The following CFAP54 variants were observed in gnomAD, a reference collection of about 807,000 sequenced individuals.
CFAP54 encodes cilia- and flagella-associated protein 54.
CFAP54 carries 290 observed loss-of-function variants against 370.4 expected under a neutral mutation model. That is an observed-to-expected ratio of 0.78 (90% CI 0.71 to 0.86). The LOEUF is 0.86. CFAP54 is among the 40% of genes least tolerant of loss of function. CFAP54 has a pLI of 0.00. For synonymous variants in CFAP54, 1,206 were observed against 1,236.5 expected, an observed-to-expected ratio of 0.98 and a Z score of 0.52; for missense variants, 3,399 against 3,528.7, an observed-to-expected ratio of 0.96 and a Z score of 0.93.
At position 96,786,840 on chromosome 12, in the gene CFAP54, T is replaced by C. The variant is rs1958634684; in HGVS notation, c.8621T>C (p.Leu2874Pro). 1.3e-6 allele frequency: 2 copies of C among 1,535,750 alleles called. No homozygotes were observed. Among genetic ancestry groups the C allele is most frequent in the African/African-American group, 1.4e-5 (1 of 73,168 alleles). Residue 2874 changes from leucine to proline, a missense_variant, in exon 62 of 68, where the codon CTT (leucine) becomes CCT (proline). Transcript: ENST00000524981. ...SCIDEFPKEL[L>P]CQLENPPLSE... ...ATTGATGAATTTCCAAAAGAACTTC[T>C]TTGTCAACTGGAAAATCCCCCTCTT...
intron 67 of CFAP54, 58 bp downstream of exon 67, chr12:96,861,010 G>A (rs555528137): frequency 7.7e-7 from 1 of 1,297,498 alleles, no homozygotes; most frequent in African/African-American, 1.5e-5. Flanking sequence ...TAAGTTTTTG[G>A]AACGGTCCTC....
intron 14 of CFAP54, among the ~76,000 whole-genome samples, chr12:96,547,286 A>T (rs1384558163): frequency 1.3e-5 from 2 of 152,148 alleles, no homozygotes; most frequent in Non-Finnish European, 1.5e-5. Flanking sequence ...CCCGGGTTCA[A>T]GCAATTCTCC....
chr12:96,537,504 G>A (rs1014446435), intron 12 of CFAP54, among the ~76,000 whole-genome samples: 2 of 152,052 alleles, frequency 1.3e-5, no homozygotes, highest in Non-Finnish European at 2.9e-5. Context: ...ACCATGCCCA[G>A]CTACTTTTTA....
chr12:96,623,487 T>C (rs1418219160), intron 27 of CFAP54, among the ~76,000 whole-genome samples: 1 of 152,156 alleles, frequency 6.6e-6, no homozygotes, highest in Non-Finnish European at 1.5e-5. Flanking sequence ...ATGCAGGTTT[T>C]GGAGGGGGCT....
chr12:96,778,968 C>G (rs1039966579), intron 60 of CFAP54, among the ~76,000 whole-genome samples: 1 of 151,846 alleles, frequency 6.6e-6, no homozygotes, highest in Non-Finnish European at 1.5e-5. Flanking sequence ...ATTAGCCAGG[C>G]GTGGGGGCAG....
intron 1 of CFAP54, among the ~76,000 whole-genome samples, 162 bp downstream of exon 1, chr12:96,490,088 C>G (rs911954046): frequency 2.0e-5 from 3 of 152,132 alleles, no homozygotes; most frequent in African/African-American, 7.2e-5. Flanking sequence ...GGAGACTCGT[C>G]GCTCTTAACA....
At chr12:96,860,020 AC>A (rs1195504598) in intron 66 of CFAP54, among the ~76,000 whole-genome samples, 3 of 152,130 alleles carry the variant, frequency 2.0e-5, no homozygotes, top group African/African-American at 7.2e-5. Context: ...GTTAACAAAA[AC>A]CAGCCTCCAA....
At chr12:96,577,887 C>G (rs1284674649) in intron 20 of CFAP54, among the ~76,000 whole-genome samples, 2 of 151,810 alleles carry the variant, frequency 1.3e-5, no homozygotes, top group African/African-American at 2.4e-5. Flanking sequence ...ATGGTAAAAC[C>G]CTGTCTTTAC....
chr12:96,591,680 G>A (rs1483409440), intron 23 of CFAP54, among the ~76,000 whole-genome samples: 2 of 152,028 alleles, frequency 1.3e-5, no homozygotes, highest in African/African-American at 2.4e-5. Flanking sequence ...ACGAGGTCAG[G>A]AGATCGAGAC....
chr12:96,527,979 A>G (rs1389624591), intron 9 of CFAP54, among the ~76,000 whole-genome samples: 1 of 152,202 alleles, frequency 6.6e-6, no homozygotes, highest in African/African-American at 2.4e-5. Flanking sequence ...ACAGTCATCT[A>G]TGAATGACTT....
rs1565977330 is a variant in CFAP54 at position 96,785,095 on chromosome 12, C to CTA, written c.8455+213_8455+214dup. ...AATGTAATTGGTTTCTTTAGAAATT[C>CTA]TATATATATTATTTCATATGTTTAA... On this transcript the variant is annotated intron_variant, in intron 61 of 67. Transcript: ENST00000524981. Among the ~76,000 whole-genome samples the CTA allele has an allele frequency of 3.3e-5, 5 of 152,158 alleles. No individual in the cohort carries two copies. The South Asian group carries it at 8.3e-4, about 25-fold the overall frequency.
rs887555666 is a variant in CFAP54, at chr12:96,846,481, A to G, written c.9172-14338A>G. ...GGTTGAAAAATTCTTTCCTGGGGAAAGAGAGCTGCTGTTCTTTCTACACAG... is the reference window on the plus strand; with the variant it reads ...GGTTGAAAAATTCTTTCCTGGGGAAGGAGAGCTGCTGTTCTTTCTACACAG... On this transcript the variant is annotated intron_variant, in intron 66 of 67. Coordinates refer to ENST00000524981, the MANE Select transcript of CFAP54 (RefSeq NM_001306084.2). Among the ~76,000 whole-genome samples, 14 of 152,172 alleles carry G rather than the reference A, an allele frequency of 9.2e-5. 1 individual carries two copies. Among genetic ancestry groups the G allele is most frequent in the Admixed American group, 7.9e-4 (12 of 15,274 alleles).
intron 40 of CFAP54, among the ~76,000 whole-genome samples, chr12:96,681,583 T>G (rs1390841258): frequency 6.6e-6 from 1 of 152,006 alleles, no homozygotes; most frequent in Non-Finnish European, 1.5e-5. Context: ...GCTTTTTTTT[T>G]TGGATGGAGT....
At chr12:96,578,720 A>G (rs972343201) in intron 20 of CFAP54, among the ~76,000 whole-genome samples, 3 of 152,194 alleles carry the variant, frequency 2.0e-5, no homozygotes, top group African/African-American at 7.2e-5. Context: ...TCTCATCAGC[A>G]CTAGATGGTG....
intron 39 of CFAP54, among the ~76,000 whole-genome samples, chr12:96,664,781 A>ATCTATATC (rs1565934511): frequency 0.051 from 1,285 of 25,382 alleles, 40 homozygotes; most frequent in Non-Finnish European, 0.065. Context: ...CTATATCTAT[A>ATCTATATC]TATATATATA....
intron 50 of CFAP54, among the ~76,000 whole-genome samples, chr12:96,733,542 G>GGT (rs374131337): frequency 7.2e-6 from 1 of 139,044 alleles, no homozygotes; most frequent in Non-Finnish European, 1.5e-5. Flanking sequence ...AATCCTGTGG[G>GGT]TTTTTTTTTT....
In CFAP54 at chr12:96,826,067, T is replaced by C. The variant is rs778090132; in HGVS notation, c.9097-2947T>C. Among the ~76,000 whole-genome samples the C allele has an allele frequency of 1.1e-3, 158 of 145,150 alleles. 1 individual carries two copies. Among genetic ancestry groups the C allele is most frequent in the Middle Eastern group, 7.2e-3 (2 of 276 alleles). On this transcript the variant is annotated intron_variant, in intron 65 of 67. Transcript: ENST00000524981. ...TATATATTTTATATATACACACACA[T>C]TTACCAGCATTTAGAATACTAAAAT...
intron 19 of CFAP54, among the ~76,000 whole-genome samples, chr12:96,572,552 G>C (rs1305255358): frequency 6.6e-6 from 1 of 152,112 alleles, no homozygotes; most frequent in Admixed American, 6.6e-5. Context: ...AGAATGAAAA[G>C]GGCTTTGGAA....
At position 96,644,330 on chromosome 12, in the gene CFAP54, G is replaced by A. The variant is rs1484323767; in HGVS notation, c.4469G>A (p.Gly1490Asp). The change falls in exon 33 of 68, where the codon GGT becomes GAT. Residue 1490 changes from glycine to aspartate, a missense_variant. Coordinates refer to ENST00000524981, the MANE Select transcript of CFAP54 (RefSeq NM_001306084.2). ...GCTCAGATGAACCTGTATCTAGCAG[G>A]TGCACACTTTAACCTGGTTTTACAA... Reference protein sequence around the residue: ...WRAQMNLYLAGAHFNLVLQKL... With the variant: ...WRAQMNLYLADAHFNLVLQKL... 11 of 1,535,962 alleles carry A rather than the reference G, an allele frequency of 7.2e-6. No individual in the cohort carries two copies. Among genetic ancestry groups the A allele is most frequent in the South Asian group, 1.2e-5 (1 of 84,058 alleles).
Sources: gnomAD v4.1 joint callset for allele counts (sites outside exome capture counted in the v4.1 genomes callset) on GRCh38, gnomAD v4.1.1 for gene constraint, MANE v1.5 for transcripts, NCBI Gene and HGNC (gene_info 2026-07-23, HGNC 2026-07-21) for gene names.